Variants in GPR157 observed in about 807,000 individuals in gnomAD.
The protein encoded by GPR157 is G-protein coupled receptor 157.
In GPR157, 16 loss-of-function variants were observed where a neutral mutation model predicts 23.5. That is an observed-to-expected ratio of 0.68 (90% CI 0.46 to 1.04). The LOEUF is 1.04. Ranked by LOEUF, GPR157 falls within the 50% of genes least tolerant of loss-of-function variation. GPR157 has a pLI of 0.00. For synonymous variants in GPR157, 200 were observed against 221.5 expected (o/e 0.90, Z 0.86); for missense variants, 440 against 460.7 (o/e 0.96, Z 0.41).
At chr1:9,110,803 T>C (rs1250285265) in intron 2 of GPR157, among the ~76,000 whole-genome samples, 1 of 152,192 alleles carries the variant, frequency 6.6e-6, no homozygotes, top group African/African-American at 2.4e-5. Flanking sequence ...TAGGAAAAGT[T>C]AGGTGAGTTA....
chr1:9,111,555 CAA>C, intron 1 of GPR157, 66 bp from the exon 2 acceptor site: 1 of 1,346,854 alleles, frequency 7.4e-7, no homozygotes, highest in Non-Finnish European at 1.1e-6. Flanking sequence ...TCAGCCTTCG[CAA>C]AAATGACGGA....
intron 1 of GPR157, among the ~76,000 whole-genome samples, chr1:9,116,726 A>G (rs527241019): frequency 1.4e-5 from 2 of 146,298 alleles, no homozygotes; most frequent in Admixed American, 6.8e-5. Context: ...CCTGGGTGAC[A>G]GAGGAAAAAA....
chr1:9,104,201 G>A lies in GPR157; in HGVS notation c.*218C>T, dbSNP rs1277747147. 10 of 564,086 alleles carry A rather than the reference G, an allele frequency of 1.8e-5. No homozygotes were observed. The highest frequency in any genetic ancestry group is 8.8e-5 in the South Asian group (4 of 45,674). The allele number at this position is 564,086 out of a possible 1,614,324, so 34.9% of individuals were successfully genotyped here. A position where few individuals can be genotyped will look rare whatever the true frequency, so the allele number is the denominator to read the frequency against. On this transcript the variant is annotated 3_prime_UTR_variant, in exon 4 of 4. Coordinates refer to ENST00000377411, the MANE Select transcript of GPR157 (RefSeq NM_024980.5). ...CCCTTATGCAGATGAACGCCCACCC[G>A]TGGGCCAGGACGCTGGTACCGGTGG...
rs1309570822 is a variant in GPR157 at position 9,121,061 on chromosome 1, G to A, written c.383+7584C>T. 2.6e-5 allele frequency among the ~76,000 whole-genome samples: 4 copies of A among 152,192 alleles called. No homozygotes were observed. In the East Asian group the frequency reaches 5.8e-4, roughly 22 times the overall value. ...AAATTAGAGAACTCAGGCCAGGTGC[G>A]GTGGCTCACGCCTGTAATCCCAGCA... On this transcript the variant is annotated intron_variant, in intron 1 of 3. Transcript: ENST00000377411.
intron 1 of GPR157, among the ~76,000 whole-genome samples, chr1:9,124,363 G>A (rs925619896): frequency 1.3e-5 from 2 of 152,150 alleles, no homozygotes; most frequent in African/African-American, 4.8e-5. Flanking sequence ...GACAATGCCA[G>A]GTTGGACTGC....
chr1:9,112,832 A>G (rs1163176411), intron 1 of GPR157, among the ~76,000 whole-genome samples: 5 of 152,184 alleles, frequency 3.3e-5, no homozygotes, highest in African/African-American at 1.2e-4. Flanking sequence ...TCCTTGAACC[A>G]GTCTGTTCCT....
chr1:9,108,452 G>A (rs1411643119), intron 2 of GPR157, among the ~76,000 whole-genome samples: 1 of 152,238 alleles, frequency 6.6e-6, no homozygotes, highest in Admixed American at 6.5e-5. Context: ...CCAAAGGAAA[G>A]GCAGAAAGAA....
At position 9,118,388 on chromosome 1, in the gene GPR157, C is replaced by T. The variant is rs1279945702; in HGVS notation, c.384-6899G>A. Reference sequence around the variant, plus strand: ...AGGCCCCTCCTGTCTAAACCTGTGACTCTGAGGCTGGGAGGAGGCCAAGCT... The same window carrying T: ...AGGCCCCTCCTGTCTAAACCTGTGATTCTGAGGCTGGGAGGAGGCCAAGCT... On this transcript the variant is annotated intron_variant, in intron 1 of 3. Coordinates refer to ENST00000377411, the MANE Select transcript of GPR157 (RefSeq NM_024980.5). This position sits in a 1 kb window ranked among gnomAD's most constrained non-coding sequence, Gnocchi z 4.6. Among the ~76,000 whole-genome samples the T allele has an allele frequency of 6.6e-6, 1 of 152,138 alleles. No homozygotes were observed. The highest frequency in any genetic ancestry group is 1.5e-5 in the Non-Finnish European group (1 of 68,032).
intron 2 of GPR157, among the ~76,000 whole-genome samples, chr1:9,107,601 A>T (rs548400697): frequency 5.9e-5 from 9 of 152,052 alleles, no homozygotes; most frequent in Non-Finnish European, 1.2e-4. Flanking sequence ...CCTGGCCAAC[A>T]TGGTGAAACC....
chr1:9,116,322 ATATAAAT>A (rs1638669552), intron 1 of GPR157, among the ~76,000 whole-genome samples: 6 of 35,954 alleles, frequency 1.7e-4, no homozygotes, highest in African/African-American at 1.1e-3. Flanking sequence ...TATATAATAT[ATATAAAT>A]TATATATAAT....
At chr1:9,121,855 A>C (rs1311088842) in intron 1 of GPR157, among the ~76,000 whole-genome samples, 3 of 152,140 alleles carry the variant, frequency 2.0e-5, no homozygotes, top group Non-Finnish European at 4.4e-5. Context: ...TGCTGGAGTC[A>C]TACCCACACC....
chr1:9,110,930 T>A (rs1419328167), intron 2 of GPR157, among the ~76,000 whole-genome samples: 1 of 152,180 alleles, frequency 6.6e-6, no homozygotes, highest in African/African-American at 2.4e-5. Context: ...CCACAGGCCG[T>A]CCACCAGGGG....
At chr1:9,123,562 T>TA (rs370040178) in intron 1 of GPR157, among the ~76,000 whole-genome samples, 76 of 33,762 alleles carry the variant, frequency 2.3e-3, no homozygotes, top group Admixed American at 6.3e-3. Context: ...AATATATATT[T>TA]AAATATATTT....
intron 1 of GPR157, among the ~76,000 whole-genome samples, chr1:9,119,143 C>G (rs1466349433): frequency 6.7e-6 from 1 of 149,988 alleles, no homozygotes; most frequent in Non-Finnish European, 1.5e-5. Flanking sequence ...AGCGATTCTT[C>G]TGCCTCAGCC....
chr1:9,116,315 A>ATC (rs1638668252), intron 1 of GPR157, among the ~76,000 whole-genome samples: 1 of 20,834 alleles, frequency 4.8e-5, no homozygotes, highest in Non-Finnish European at 6.7e-5. Flanking sequence ...TATATTATAT[A>ATC]TAATATATAT....
intron 1 of GPR157, among the ~76,000 whole-genome samples, chr1:9,126,480 C>T (rs1014662427): frequency 1.3e-5 from 2 of 152,084 alleles, no homozygotes; most frequent in African/African-American, 4.8e-5. Flanking sequence ...TCTGTGTTGT[C>T]GTATTTTAAA....
At chr1:9,127,154 C>T (rs565059184) in intron 1 of GPR157, among the ~76,000 whole-genome samples, 8 of 152,160 alleles carry the variant, frequency 5.3e-5, no homozygotes, top group Non-Finnish European at 7.4e-5. Context: ...GCTGGGATTA[C>T]GGGTACAAGC....
intron 1 of GPR157, among the ~76,000 whole-genome samples, chr1:9,114,480 G>A (rs945188410): frequency 2.0e-5 from 3 of 152,102 alleles, no homozygotes; most frequent in African/African-American, 7.2e-5. Context: ...CAGTCCCCCT[G>A]CAGGAGGCTG....
chr1:9,123,375 AAT>A (rs1160372218), intron 1 of GPR157, among the ~76,000 whole-genome samples: 12 of 31,176 alleles, frequency 3.8e-4, no homozygotes, highest in African/African-American at 7.6e-4. Flanking sequence ...ATTTAAATTA[AAT>A]ATATATATTT....
Sources: gnomAD v4.1 joint callset for allele counts (sites outside exome capture counted in the v4.1 genomes callset) on GRCh38, gnomAD v4.1.1 for gene constraint, Gnocchi (gnomAD v3.1) non-coding constraint, MANE v1.5 for transcripts, NCBI Gene and HGNC (gene_info 2026-07-23, HGNC 2026-07-21) for gene names.